RB1: variants seen among roughly 807,000 people sequenced by gnomAD.
RB1 encodes RB transcriptional corepressor 1, also known as retinoblastoma-associated protein.
RB1 carries 18 observed loss-of-function variants against 135.4 expected under a neutral mutation model. That is an observed-to-expected ratio of 0.13 (90% CI 0.09 to 0.20). RB1 has a LOEUF of 0.20. Among genes scored for constraint, RB1 ranks in the 10% least tolerant of loss-of-function variants. The probability of loss-of-function intolerance (pLI) is 1.00; values close to 1 mark genes in which losing one functional copy is unlikely to be tolerated. For synonymous variants in RB1, 365 were observed against 373.2 expected (o/e 0.98, Z 0.25); for missense variants, 868 against 1,110.0 (o/e 0.78, Z 3.10).
At chr13:48,310,144 A>C (rs1259830498) in intron 2 of RB1, among the ~76,000 whole-genome samples, 1 of 152,088 alleles carries the variant, frequency 6.6e-6, no homozygotes, top group Non-Finnish European at 1.5e-5. Context: ...TTTAAGTTAG[A>C]GTTACGTTTT....
At chr13:48,347,977 A>G (rs1952513295) in intron 5 of RB1, 114 bp downstream of exon 5, 14 of 780,086 alleles carry the variant, frequency 1.8e-5, no homozygotes, top group South Asian at 1.1e-4. Flanking sequence ...GCTACTTCAT[A>G]AATTAAGCCC....
At chr13:48,307,243 A>T (rs371952408) in intron 1 of RB1, 37 bp from the exon 2 acceptor site, 1 of 1,558,096 alleles carries the variant, frequency 6.4e-7, no homozygotes. Flanking sequence ...TTGATTTATA[A>T]GTATATGCCA....
At chr13:48,342,760 G>A (rs559242550) in intron 3 of RB1, 46 bp downstream of exon 3, 81 of 1,306,226 alleles carry the variant, frequency 6.2e-5, no homozygotes, top group Middle Eastern at 1.9e-4. Flanking sequence ...AAAAGGAAAC[G>A]AATTCTGGAT....
chr13:48,459,369 A>T (rs555815456), intron 19 of RB1, among the ~76,000 whole-genome samples: 5 of 152,230 alleles, frequency 3.3e-5, no homozygotes, highest in African/African-American at 7.2e-5. Flanking sequence ...ACTCAAAAGG[A>T]CCTGGTTCTG....
chr13:48,476,716 C>T lies in RB1; in HGVS notation c.2536C>T (p.Gln846Ter), dbSNP rs1231557654. 1 of 1,612,916 alleles carries T rather than the reference C, an allele frequency of 6.2e-7. No individual in the cohort carries two copies. The highest frequency in any genetic ancestry group is 8.5e-7 in the Non-Finnish European group (1 of 1,179,290). The change falls in exon 25 of 27, where the codon CAG becomes TAG. Residue 846 changes from glutamine to a stop codon, truncating the protein, a stop_gained. Coordinates refer to ENST00000267163, the MANE Select transcript of RB1 (RefSeq NM_000321.3). LOFTEE classifies it high-confidence loss of function. The stretch of plus-strand genomic sequence containing the variant: ...TAATTTGTAGACTTCTGAGAAGTTC[C>T]AGAAAATAAATCAGATGGTATGTAA... ...GESFGTSEKF[Q>*]KINQMVCNSD...
At chr13:48,477,679 T>C (rs1949512721) in intron 26 of RB1, among the ~76,000 whole-genome samples, 1 of 152,130 alleles carries the variant, frequency 6.6e-6, no homozygotes. Context: ...ATGGCTACAG[T>C]TAGAAAATAC....
At chr13:48,362,784 A>G in intron 7 of RB1, 31 bp from the exon 8 acceptor site, 1 of 1,600,526 alleles carries the variant, frequency 6.2e-7, no homozygotes, top group Non-Finnish European at 8.6e-7. Flanking sequence ...TGGATGTACA[A>G]TTGTTCTTAT....
rs1304677865 is a variant in RB1, at chr13:48,357,726, A to G, written c.608-2291A>G. 2.6e-5 allele frequency among the ~76,000 whole-genome samples: 4 copies of G among 152,080 alleles called. No individual in the cohort carries two copies. The East Asian group carries it at 7.7e-4, about 29-fold the overall frequency. ...TATCTCAGAGGCACGTTTACATTTC[A>G]TATAGTACATTACAGGTGACTAAAG... On this transcript the variant is annotated intron_variant, in intron 6 of 26. Coordinates refer to ENST00000267163, the MANE Select transcript of RB1 (RefSeq NM_000321.3).
At position 48,459,818 on chromosome 13, in the gene RB1, C is replaced by G. The variant is rs3092903; in HGVS notation, c.2091C>G (p.Asp697Glu). ...AGAATGAGTATGAACTCATGAGAGA[C>G]AGGCATTTGGACCAAGTAAGAAAAT... The part of the protein sequence containing the change: ...TLQNEYELMR[D>E]RHLDQIMMCS... Residue 697 changes from aspartate (D) to glutamate (E), a missense_variant, in exon 20 of 27, where the codon GAC becomes GAG. Asp to Glu is a conservative substitution (Grantham distance 45, BLOSUM62 2). Coordinates refer to ENST00000267163, the MANE Select transcript of RB1 (RefSeq NM_000321.3). The G allele has an allele frequency of 5.4e-5, 87 of 1,613,568 alleles. No homozygotes were observed. The highest frequency in any genetic ancestry group is 7.0e-5 in the Non-Finnish European group (82 of 1,179,738).
Position 48,382,917 on chromosome 13 carries a change from G to A in RB1, c.1695+1474G>A, listed in dbSNP as rs563598409. ...CAGTTTCAGCTTTCTACATATGGCT[G>A]GCCAGTTTTCCCAGCACCATTTATT... On this transcript the variant is annotated intron_variant, in intron 17 of 26. Coordinates refer to ENST00000267163, the MANE Select transcript of RB1 (RefSeq NM_000321.3). Among the ~76,000 whole-genome samples the A allele has an allele frequency of 5.5e-4, 83 of 151,936 alleles. No individual in the cohort carries two copies. The East Asian group carries it at 0.014, about 26-fold the overall frequency.
At chr13:48,321,752 A>G (rs1322255288) in intron 2 of RB1, among the ~76,000 whole-genome samples, 1 of 152,076 alleles carries the variant, frequency 6.6e-6, no homozygotes, top group Admixed American at 6.5e-5. Context: ...GCTACTCTCG[A>G]GACTGAGGCA....
At chr13:48,448,248 C>G (rs1949302810) in intron 17 of RB1, among the ~76,000 whole-genome samples, 1 of 152,184 alleles carries the variant, frequency 6.6e-6, no homozygotes, top group Non-Finnish European at 1.5e-5. Flanking sequence ...ATTATTTACA[C>G]TGCAGTGCCC....
rs2138345919 is a variant in RB1, at chr13:48,465,299, C to T, written c.2420C>T (p.Ser807Leu). 1 of 1,611,302 alleles carries T rather than the reference C, an allele frequency of 6.2e-7. No individual in the cohort carries two copies. The highest frequency in any genetic ancestry group is 1.1e-5 in the South Asian group (1 of 91,040). The stretch of plus-strand genomic sequence containing the variant: ...ATTCCTGGAGGGAACATCTATATTT[C>T]ACCCCTGAAGAGTCCATATAAAATT... The part of the protein sequence containing the change: ...LRIPGGNIYI[S>L]PLKSPYKISE... The change falls in exon 23 of 27, where the codon TCA (serine) becomes TTA (leucine). Residue 807 changes from serine to leucine, a missense_variant. Transcript: ENST00000267163.
intron 23 of RB1, among the ~76,000 whole-genome samples, chr13:48,465,800 C>T (rs1593540038): frequency 1.3e-5 from 2 of 150,702 alleles, no homozygotes; most frequent in Non-Finnish European, 3.0e-5. Flanking sequence ...GGGTGACGGA[C>T]GCACCTGGAA....
intron 17 of RB1, among the ~76,000 whole-genome samples, chr13:48,436,227 T>A (rs1457315884): frequency 4.6e-5 from 7 of 152,244 alleles, no homozygotes; most frequent in African/African-American, 7.2e-5. Flanking sequence ...GAACCTATTA[T>A]ATTTGAGATG....
chr13:48,469,801 TC>T, intron 23 of RB1, among the ~76,000 whole-genome samples: 1 of 188 alleles, frequency 5.3e-3, no homozygotes, highest in African/African-American at 6.1e-3. Context: ...ATGAGTGAAC[TC>T]CCATTCACAA....
At chr13:48,397,801 G>T (rs1043959970) in intron 17 of RB1, among the ~76,000 whole-genome samples, 1 of 152,008 alleles carries the variant, frequency 6.6e-6, no homozygotes, top group South Asian at 2.1e-4. Flanking sequence ...AGCTTTTTTG[G>T]TATTCTTTTG....
chr13:48,464,936 T>G (rs995375263), intron 21 of RB1, 62 bp from the exon 22 acceptor site: 105 of 1,480,206 alleles, frequency 7.1e-5, no homozygotes, highest in Non-Finnish European at 9.1e-5. Flanking sequence ...AATTTTAAAA[T>G]TCATTTAACA....
chr13:48,480,260 T>C lies in RB1; in HGVS notation c.*189T>C, dbSNP rs1291302040. 3 of 601,692 alleles carry C rather than the reference T, an allele frequency of 5.0e-6. No homozygotes were observed. Among genetic ancestry groups the C allele is most frequent in the Non-Finnish European group, 6.0e-6 (2 of 333,836 alleles). 37.3% of individuals were successfully genotyped at this position (601,692 alleles called of 1,614,324 possible). ...AGCCACTTGAAATGTTAGTCATTGTTATTTATACAAGATTGAAAATCTTGT... is the reference window on the plus strand; with the variant it reads ...AGCCACTTGAAATGTTAGTCATTGTCATTTATACAAGATTGAAAATCTTGT... On this transcript the variant is annotated 3_prime_UTR_variant, in exon 27 of 27. Transcript: ENST00000267163.
Sources: gnomAD v4.1 joint callset for allele counts (sites outside exome capture counted in the v4.1 genomes callset) on GRCh38, gnomAD v4.1.1 for gene constraint, MANE v1.5 for transcripts, NCBI Gene and HGNC (gene_info 2026-07-23, HGNC 2026-07-21) for gene names.